ARHGDIB: variants seen among roughly 807,000 people sequenced by gnomAD.
ARHGDIB encodes the protein Rho GDP dissociation inhibitor beta, also known as rho GDP-dissociation inhibitor 2.
ARHGDIB carries 20 observed loss-of-function variants against 22.6 expected under a neutral mutation model. The observed-to-expected ratio is 0.88, with a 90% CI of 0.62 to 1.28. The LOEUF is 1.28. ARHGDIB is among the 50% of genes most tolerant of loss of function. The pLI is 0.00. For missense variants in ARHGDIB, 254 were observed against 245.4 expected (o/e 1.04, Z -0.23); for synonymous variants, 114 against 96.1 (o/e 1.19, Z -1.09).
At position 14,950,534 on chromosome 12, in the gene ARHGDIB, G is replaced by A. The variant is rs750489788; in HGVS notation, c.179C>T (p.Thr60Ile). The change falls in exon 2 of 6, where the codon ACA becomes ATA. Residue 60 changes from threonine to isoleucine, a missense_variant and splice_region_variant. Coordinates refer to ENST00000228945, the MANE Select transcript of ARHGDIB (RefSeq NM_001175.7). ...KTLLGDGPVV[T>I]DPKAPNVVVT... ...CCCTGTTCTCTGTACACACATACCT[G>A]TCACCACAGGACCATCTCCCAGCAG... 1 of 1,611,466 alleles carries A rather than the reference G, an allele frequency of 6.2e-7. No homozygotes were observed. The highest frequency in any genetic ancestry group is 8.5e-7 in the Non-Finnish European group (1 of 1,178,688).
intron 1 of ARHGDIB, among the ~76,000 whole-genome samples, chr12:14,960,592 CT>C (rs1165389802): frequency 2.6e-5 from 4 of 152,164 alleles, no homozygotes; most frequent in African/African-American, 9.6e-5. Context: ...CAACCCCTGC[CT>C]CCTGGGTTCA....
At chr12:14,951,778 T>G (rs1302330774) in intron 1 of ARHGDIB, among the ~76,000 whole-genome samples, 1 of 146,678 alleles carries the variant, frequency 6.8e-6, no homozygotes, top group Non-Finnish European at 1.5e-5. Context: ...AAATTATTCC[T>G]TTTAGAGGAT....
chr12:14,950,950 T>G, intron 1 of ARHGDIB: 1 of 377,938 alleles, frequency 2.6e-6, no homozygotes, highest in East Asian at 4.4e-5. Flanking sequence ...TGTAGTATCT[T>G]CTATTCACTG....
intron 4 of ARHGDIB, among the ~76,000 whole-genome samples, chr12:14,945,962 C>T (rs1269315115): frequency 6.6e-6 from 1 of 152,172 alleles, no homozygotes; most frequent in African/African-American, 2.4e-5. Context: ...TTCTAGATGT[C>T]CCGAAGCTTA....
Position 14,961,581 on chromosome 12 carries a change from C to T in ARHGDIB, c.-57G>A, listed in dbSNP as rs1260827030. 6.6e-6 allele frequency: 1 copy of T among 152,180 alleles called. No homozygotes were observed. Among genetic ancestry groups the T allele is most frequent in the African/African-American group, 2.4e-5 (1 of 41,414 alleles). 9.4% of individuals were successfully genotyped at this position (152,180 alleles called of 1,614,324 possible). ...TGTCCGGGGTGCCTCTGTCTCTCAACTCTGACTTCTGAGTACTGGCAGTTA... is the reference window on the plus strand; with the variant it reads ...TGTCCGGGGTGCCTCTGTCTCTCAATTCTGACTTCTGAGTACTGGCAGTTA... On this transcript the variant is annotated 5_prime_UTR_variant, in exon 1 of 6. Coordinates refer to ENST00000228945, the MANE Select transcript of ARHGDIB (RefSeq NM_001175.7).
intron 1 of ARHGDIB, among the ~76,000 whole-genome samples, chr12:14,956,947 T>C (rs1361752063): frequency 1.3e-5 from 2 of 152,212 alleles, no homozygotes; most frequent in Admixed American, 1.3e-4. Flanking sequence ...ACTTTGAAAG[T>C]GAATTACACT....
chr12:14,947,946 T>G lies in ARHGDIB; in HGVS notation c.269A>C (p.Asp90Ala), dbSNP rs1864061782. The G allele has an allele frequency of 5.0e-6, 8 of 1,609,744 alleles. No homozygotes were observed. Among genetic ancestry groups the G allele is most frequent in the Non-Finnish European group, 6.8e-6 (8 of 1,176,024 alleles). Residue 90 changes from aspartate (D) to alanine (A), a missense_variant, in exon 4 of 6, where the codon GAT (aspartate) becomes GCT (alanine). By Grantham distance (126) the Asp-to-Ala change is moderately radical. Transcript: ENST00000228945. ...GGTTTCCTTTTTGAGGGCTTCCAGA[T>G]CTCCTGTAGAAGAAGATTTAGAGAG... ...PGPITMDLTG[D>A]LEALKKETIV...
intron 1 of ARHGDIB, among the ~76,000 whole-genome samples, chr12:14,955,609 CA>C (rs1864283951): frequency 6.6e-6 from 1 of 152,110 alleles, no homozygotes; most frequent in Non-Finnish European, 1.5e-5. Flanking sequence ...AACTCAAGTA[CA>C]ATACAATATT....
At position 14,950,841 on chromosome 12, in the gene ARHGDIB, C is replaced by T. The variant is rs1339026222; in HGVS notation, c.-12-117G>A. 4.5e-5 allele frequency: 33 copies of T among 736,852 alleles called. No individual in the cohort carries two copies. The Admixed American group carries it at 1.2e-3, about 26-fold the overall frequency. 45.6% of individuals were successfully genotyped at this position (736,852 alleles called of 1,614,324 possible). A position where few individuals can be genotyped will look rare whatever the true frequency, so the allele number is the denominator to read the frequency against. On this transcript the variant is annotated intron_variant, in intron 1 of 5. Transcript: ENST00000228945. ...GACTTCTCTGATCATCAGTCACTTT[C>T]CTGATTGTTTTCCTAATTCAATCTC...
At chr12:14,951,287 A>G (rs1864171066) in intron 1 of ARHGDIB, 1 of 152,906 alleles carries the variant, frequency 6.5e-6, no homozygotes, top group Admixed American at 6.5e-5. Flanking sequence ...GTTGACCTTT[A>G]TGATACCTGC....
At chr12:14,957,284 T>A (rs1864322833) in intron 1 of ARHGDIB, among the ~76,000 whole-genome samples, 1 of 152,230 alleles carries the variant, frequency 6.6e-6, no homozygotes, top group Admixed American at 6.5e-5. Context: ...AGGACTATAC[T>A]GGTCAAGAAT....
chr12:14,955,382 T>G (rs1181470726), intron 1 of ARHGDIB, among the ~76,000 whole-genome samples: 2 of 152,214 alleles, frequency 1.3e-5, no homozygotes, highest in Non-Finnish European at 2.9e-5. Context: ...ACATTCGCAA[T>G]GCATGTATTA....
At chr12:14,948,469 G>A (rs990191148) in intron 3 of ARHGDIB, among the ~76,000 whole-genome samples, 8 of 152,080 alleles carry the variant, frequency 5.3e-5, no homozygotes, top group Non-Finnish European at 1.2e-4. Context: ...ATCACTTTAA[G>A]AAAATGTTCA....
rs924723329 is a variant in ARHGDIB, at chr12:14,948,427, C to T, written c.266-478G>A. Among the ~76,000 whole-genome samples the T allele has an allele frequency of 5.3e-5, 8 of 152,128 alleles. No individual in the cohort carries two copies. In the South Asian group the frequency reaches 1.7e-3, roughly 32 times the overall value. The stretch of plus-strand genomic sequence containing the variant: ...TGGTGATGTTTGTGGCATTTTCTAG[C>T]TTTTAAAATTCTACTTGTTTTTATT... On this transcript the variant is annotated intron_variant, in intron 3 of 5. Coordinates refer to ENST00000228945, the MANE Select transcript of ARHGDIB (RefSeq NM_001175.7).
chr12:14,948,112 A>G (rs888572746), intron 3 of ARHGDIB, among the ~76,000 whole-genome samples, 163 bp from the exon 4 acceptor site: 2 of 151,158 alleles, frequency 1.3e-5, no homozygotes, highest in Admixed American at 6.6e-5. Context: ...ACACACACAC[A>G]CACACACACA....
intron 1 of ARHGDIB, among the ~76,000 whole-genome samples, chr12:14,952,474 G>A (rs1864200313): frequency 6.6e-6 from 1 of 152,062 alleles, no homozygotes; most frequent in Non-Finnish European, 1.5e-5. Context: ...TTTAGCAGAA[G>A]AAACAGCACC....
chr12:14,947,514 G>A (rs1296077761), intron 4 of ARHGDIB, among the ~76,000 whole-genome samples: 5 of 152,180 alleles, frequency 3.3e-5, no homozygotes, highest in Admixed American at 6.6e-5. Context: ...TATTGGAAAG[G>A]AGAGATGTAC....
At chr12:14,960,921 T>C (rs896355030) in intron 1 of ARHGDIB, among the ~76,000 whole-genome samples, 1 of 152,218 alleles carries the variant, frequency 6.6e-6, no homozygotes, top group African/African-American at 2.4e-5. Flanking sequence ...TACATAACAA[T>C]GTGCTATACC....
At chr12:14,957,825 G>A (rs1220389556) in intron 1 of ARHGDIB, among the ~76,000 whole-genome samples, 2 of 151,560 alleles carry the variant, frequency 1.3e-5, no homozygotes, top group African/African-American at 4.9e-5. Context: ...ATAGCGATGA[G>A]AGAGAGAGAA....
Sources: allele counts gnomAD v4.1 joint callset (sites outside exome capture counted in the v4.1 genomes callset), GRCh38; gene constraint gnomAD v4.1.1; transcripts MANE v1.5; gene names NCBI Gene and HGNC (gene_info 2026-07-23, HGNC 2026-07-21).